GALNT3: variants seen among roughly 807,000 people sequenced by gnomAD.
GALNT3 encodes GalNAc transferase 3.
GALNT3 carries 51 observed loss-of-function variants against 69.8 expected under a neutral mutation model. The ratio of observed to expected loss-of-function variants is 0.73; its 90% CI spans 0.58 to 0.92. The LOEUF (loss-of-function observed/expected upper bound fraction) is 0.92. GALNT3 is among the 40% of genes least tolerant of loss of function. The probability of loss-of-function intolerance (pLI) is 0.00; values close to 1 mark genes in which losing one functional copy is unlikely to be tolerated. For missense variants in GALNT3, 711 were observed against 760.0 expected (o/e 0.94, Z 0.76); for synonymous variants, 265 against 248.5 (o/e 1.07, Z -0.63).
Position 165,770,520 on chromosome 2 carries a change from TG to T in GALNT3, c.180del (p.Asn60LysfsTer6). 6.2e-7 allele frequency: 1 copy of T among 1,614,194 alleles called. No homozygotes were observed. The highest frequency in any genetic ancestry group is 1.1e-5 in the South Asian group (1 of 91,076). On this transcript the variant is annotated frameshift_variant, in exon 2 of 11. Transcript: ENST00000392701. LOFTEE classifies it high-confidence loss of function. Reference protein sequence around the residue: ...SRMERNMKNKNKMLDLMLEAV... With the variant: ...SRMERNMKNKXKMLDLMLEAV... ...GCTTCTAGCATTAAATCCAACATCT[TG>T]TTTTTGTTTTTCATGTTCCTTTCCA... is the stretch of plus-strand genomic sequence containing the variant.
intron 2 of GALNT3, among the ~76,000 whole-genome samples, chr2:165,766,314 C>T (rs1191505204): frequency 6.6e-6 from 1 of 152,196 alleles, no homozygotes; most frequent in East Asian, 1.9e-4. Flanking sequence ...GGGAGAGAGA[C>T]CCTAAGTGCC....
chr2:165,762,087 C>T, intron 3 of GALNT3, 33 bp from the exon 4 acceptor site: 1 of 1,434,850 alleles, frequency 7.0e-7, no homozygotes, highest in Non-Finnish European at 9.8e-7. Context: ...TTAATTCTTT[C>T]TAAATGCATT....
rs765969662 is a variant in GALNT3, at chr2:165,770,616, A to G, written c.85T>C (p.Phe29Leu). Reference protein sequence around the residue: ...KFWKLGAVIFFFIIVLVLMQR... With the variant: ...KFWKLGAVIFLFIIVLVLMQR... ...ATTAAAACCAAAACTATTATAAAGA[A>G]AAAAATTACTGCACCAAGCTTCCAG... is the stretch of plus-strand genomic sequence containing the variant. The change falls in exon 2 of 11, where the codon TTC becomes CTC. Residue 29 changes from phenylalanine to leucine, a missense_variant. Physicochemically the swap from Phe to Leu is conservative, Grantham distance 22. Coordinates refer to ENST00000392701, the MANE Select transcript of GALNT3 (RefSeq NM_004482.4). 1 of 1,602,280 alleles carries G rather than the reference A, an allele frequency of 6.2e-7. No homozygotes were observed. The highest frequency in any genetic ancestry group is 8.5e-7 in the Non-Finnish European group (1 of 1,175,716).
chr2:165,783,288 T>C (rs1202333897), intron 1 of GALNT3, among the ~76,000 whole-genome samples: 2 of 152,188 alleles, frequency 1.3e-5, no homozygotes, highest in Non-Finnish European at 2.9e-5. Context: ...ATTTGGAGGA[T>C]GGGCAGGTTG....
At chr2:165,791,587 T>C (rs544907446) in intron 1 of GALNT3, among the ~76,000 whole-genome samples, 2 of 151,978 alleles carry the variant, frequency 1.3e-5, no homozygotes, top group Non-Finnish European at 2.9e-5. Context: ...GAAAAAAAAG[T>C]TTAAAGAAAC....
intron 2 of GALNT3, among the ~76,000 whole-genome samples, chr2:165,767,454 T>G (rs532494173): frequency 6.6e-6 from 1 of 152,320 alleles, no homozygotes; most frequent in African/African-American, 2.4e-5. Context: ...ACTAGTAAAA[T>G]GTTATCACTT....
At chr2:165,769,972 A>T in intron 2 of GALNT3, 2 of 597,374 alleles carry the variant, frequency 3.3e-6, no homozygotes, top group Admixed American at 5.8e-5. Context: ...CCAAGCTAAT[A>T]ACTTTTCATA....
intron 10 of GALNT3, 63 bp downstream of exon 10, chr2:165,749,679 C>T (rs1688320961): frequency 7.2e-7 from 1 of 1,381,492 alleles, no homozygotes; most frequent in Non-Finnish European, 1.0e-6. Flanking sequence ...CACTCATTTT[C>T]CCAGATAAGC....
Position 165,770,216 on chromosome 2 carries a change from C to G in GALNT3, c.485G>C (p.Arg162Pro). 6.2e-7 allele frequency: 1 copy of G among 1,614,096 alleles called. No individual in the cohort carries two copies. Among genetic ancestry groups the G allele is most frequent in the Non-Finnish European group, 8.5e-7 (1 of 1,180,004 alleles). Residue 162 changes from arginine (R) to proline (P), a missense_variant, in exon 2 of 11, where the codon CGA (arginine) becomes CCA (proline). Physicochemically the swap from Arg to Pro is moderately radical, Grantham distance 103. Coordinates refer to ENST00000392701, the MANE Select transcript of GALNT3 (RefSeq NM_004482.4). The stretch of plus-strand genomic sequence containing the variant: ...AGGTCGAGTGTCTGGTCCAAGATCT[C>G]GGTGCAAAGAAATCCTGTCACTTGC... ...AFASDRISLH[R>P]DLGPDTRPPE...
intron 1 of GALNT3, among the ~76,000 whole-genome samples, chr2:165,775,155 C>A (rs996046762): frequency 2.8e-4 from 43 of 151,978 alleles, no homozygotes; most frequent in Admixed American, 6.6e-5. Flanking sequence ...TAACTCTGTT[C>A]AAACTCAAGT....
At chr2:165,782,392 C>CA (rs11351097) in intron 1 of GALNT3, among the ~76,000 whole-genome samples, 7 of 146,270 alleles carry the variant, frequency 4.8e-5, no homozygotes, top group African/African-American at 1.8e-4. Context: ...AAAAGAATTA[C>CA]AAAAAAAAAA....
At chr2:165,763,295 CA>C (rs1415579695) in intron 3 of GALNT3, among the ~76,000 whole-genome samples, 1 of 152,112 alleles carries the variant, frequency 6.6e-6, no homozygotes, top group African/African-American at 2.4e-5. Flanking sequence ...GAAGGAAATG[CA>C]GATGACTTTG....
chr2:165,755,995 T>C lies in GALNT3; in HGVS notation c.1393-932A>G, dbSNP rs12476656. On this transcript the variant is annotated intron_variant, in intron 7 of 10. Coordinates refer to ENST00000392701, the MANE Select transcript of GALNT3 (RefSeq NM_004482.4). Reference sequence around the variant, plus strand: ...AGCATAAGCTTCATTTAGTGCCCACTTGCCTGCTTAGCCAAGTACTATTGT... The same window carrying C: ...AGCATAAGCTTCATTTAGTGCCCACCTGCCTGCTTAGCCAAGTACTATTGT... Among the ~76,000 whole-genome samples, 1,168 of 152,306 alleles carry C rather than the reference T, an allele frequency of 7.7e-3. 40 individuals carry two copies. Among genetic ancestry groups the C allele is most frequent in the Admixed American group, 0.061 (931 of 15,296 alleles).
In GALNT3 at chr2:165,759,381, G is replaced by A. The variant is rs1025797620; in HGVS notation, c.1028C>T (p.Pro343Leu). The A allele has an allele frequency of 1.2e-6, 2 of 1,613,952 alleles. No homozygotes were observed. Among genetic ancestry groups the A allele is most frequent in the South Asian group, 1.1e-5 (1 of 91,080 alleles). Residue 343 changes from proline (P) to leucine (L), a missense_variant, in exon 5 of 11, where the codon CCT becomes CTT. By Grantham distance (98) the Pro-to-Leu change is moderately conservative (BLOSUM62 -3). Transcript: ENST00000392701. ...TTTCCTTCTTTGCTTCTCATGATCA[G>A]GAAGCGACTCCCAGCCAAATGAAAG... ...WSLSFGWESL[P>L]DHEKQRRKDE...
chr2:165,764,113 T>C (rs1040827799), intron 3 of GALNT3, among the ~76,000 whole-genome samples: 1 of 152,228 alleles, frequency 6.6e-6, no homozygotes, highest in African/African-American at 2.4e-5. Context: ...AGTTAGAGTA[T>C]TTGTTAAATT....
At chr2:165,762,624 T>C (rs913500814) in intron 3 of GALNT3, among the ~76,000 whole-genome samples, 6 of 152,230 alleles carry the variant, frequency 3.9e-5, no homozygotes, top group African/African-American at 1.4e-4. Context: ...TGCGAAAGCT[T>C]TGGAGTCTCC....
At chr2:165,789,087 G>C (rs937685475) in intron 1 of GALNT3, among the ~76,000 whole-genome samples, 2 of 152,194 alleles carry the variant, frequency 1.3e-5, no homozygotes, top group Non-Finnish European at 2.9e-5. Context: ...GGTATAAAAT[G>C]TTAAGTGGAT....
chr2:165,772,307 T>G (rs1466903672), intron 1 of GALNT3, among the ~76,000 whole-genome samples: 3 of 152,034 alleles, frequency 2.0e-5, no homozygotes, highest in Non-Finnish European at 4.4e-5. Flanking sequence ...TACACAGGCT[T>G]GGAACAGTGG....
chr2:165,772,263 T>C (rs1333596654), intron 1 of GALNT3, among the ~76,000 whole-genome samples: 1 of 151,884 alleles, frequency 6.6e-6, no homozygotes, highest in African/African-American at 2.4e-5. Context: ...CACAAAGCAG[T>C]GTGATATGTG....
Sources: allele counts gnomAD v4.1 joint callset (sites outside exome capture counted in the v4.1 genomes callset), GRCh38; gene constraint gnomAD v4.1.1; transcripts MANE v1.5; gene names NCBI Gene and HGNC (gene_info 2026-07-23, HGNC 2026-07-21).